NRXN1: variants seen among roughly 807,000 people sequenced by gnomAD.
NRXN1 encodes neurexin-1.
A neutral mutation model predicts 150.9 loss-of-function variants in NRXN1; 39 were observed. The ratio of observed to expected loss-of-function variants is 0.26; its 90% CI spans 0.20 to 0.34. The LOEUF is 0.34. Among genes scored for constraint, NRXN1 ranks in the 10% least tolerant of loss-of-function variants. NRXN1 has a pLI of 1.00. For synonymous variants in NRXN1, 924 were observed against 757.0 expected (o/e 1.22, Z -3.62); for missense variants, 1,815 against 1,949.9 (o/e 0.93, Z 1.30).
intron 5 of NRXN1, among the ~76,000 whole-genome samples, chr2:50,760,233 GT>G (rs778941960): frequency 1.3e-5 from 2 of 151,872 alleles, no homozygotes; most frequent in Non-Finnish European, 2.9e-5. Context: ...TATTAGGCAA[GT>G]TTCAACACAT....
At chr2:50,534,934 C>T (rs1442401690) in intron 10 of NRXN1, among the ~76,000 whole-genome samples, 1 of 152,102 alleles carries the variant, frequency 6.6e-6, no homozygotes, top group South Asian at 2.1e-4. Context: ...TAATCAGAAT[C>T]ATTAGCCTTT....
At chr2:50,870,827 ATTTATCATCAAT>A (rs1400887776) in intron 5 of NRXN1, among the ~76,000 whole-genome samples, 1 of 151,746 alleles carries the variant, frequency 6.6e-6, no homozygotes, top group Non-Finnish European at 1.5e-5. Context: ...AGCATATACA[ATTTATCATCAAT>A]ATCTCAAGCT....
At position 51,027,605 on chromosome 2, in the gene NRXN1, G is replaced by A. The variant is rs1417156593; in HGVS notation, c.669C>T (p.Gly223=). The change falls in exon 2 of 23, where the codon GGC becomes GGT. Residue 223 remains glycine, a synonymous_variant. Coordinates refer to ENST00000401669, the MANE Select transcript of NRXN1 (RefSeq NM_001330078.2). The part of the protein sequence containing the change: ...GGSPCEAGEE[G]EGGVCLNGGV... ...CTCCGTTGAGGCACACCCCGCCCTC[G>A]CCCTCCTCGCCCGCCTCGCACGGGC... The A allele has an allele frequency of 1.9e-6, 3 of 1,592,426 alleles. No homozygotes were observed. Among genetic ancestry groups the A allele is most frequent in the Non-Finnish European group, 1.7e-6 (2 of 1,169,674 alleles).
rs1294788651 is a variant in NRXN1, at chr2:50,713,728, TGGTATTTACCAA to T, written c.833-90125_833-90114del. Reference sequence around the variant, plus strand: ...AAATTATTACATCATTAATTAACAGTGGTATTTACCAAAACACATAACATCTTATGTCAATTT... The same window carrying T: ...AAATTATTACATCATTAATTAACAGTAACACATAACATCTTATGTCAATTT... On this transcript the variant is annotated intron_variant, in intron 5 of 22. Coordinates refer to ENST00000401669, the MANE Select transcript of NRXN1 (RefSeq NM_001330078.2). Among the ~76,000 whole-genome samples, 4 of 152,172 alleles carry T rather than the reference TGGTATTTACCAA, an allele frequency of 2.6e-5. No individual in the cohort carries two copies. The East Asian group carries it at 7.7e-4, about 29-fold the overall frequency.
chr2:50,208,186 A>G (rs17040212), intron 18 of NRXN1, among the ~76,000 whole-genome samples: 40,624 of 151,934 alleles, frequency 0.27, 5,843 homozygotes, highest in East Asian at 0.44. Context: ...CCACTTTTGC[A>G]CCTTCTCAGC....
At chr2:50,072,146 G>A (rs1278724574) in intron 19 of NRXN1, among the ~76,000 whole-genome samples, 1 of 152,124 alleles carries the variant, frequency 6.6e-6, no homozygotes, top group African/African-American at 2.4e-5. Flanking sequence ...TTTTCTTGAA[G>A]AAAACAAAGT....
intron 19 of NRXN1, among the ~76,000 whole-genome samples, chr2:50,079,661 T>C (rs1347750392): frequency 6.6e-6 from 1 of 152,156 alleles, no homozygotes; most frequent in Non-Finnish European, 1.5e-5. Context: ...ATTTATTATT[T>C]TGTTTGAAGA....
At chr2:50,585,121 C>A (rs1457138873) in intron 8 of NRXN1, among the ~76,000 whole-genome samples, 1 of 152,062 alleles carries the variant, frequency 6.6e-6, no homozygotes, top group African/African-American at 2.4e-5. Flanking sequence ...AGTAGTTTAG[C>A]CCATGAATTC....
intron 5 of NRXN1, among the ~76,000 whole-genome samples, chr2:50,863,092 T>C (rs1676374016): frequency 6.6e-6 from 1 of 152,002 alleles, no homozygotes; most frequent in Non-Finnish European, 1.5e-5. Context: ...GGGTACCTGA[T>C]TTTTGGTGTC....
chr2:50,046,184 C>T (rs1691778942), intron 21 of NRXN1, among the ~76,000 whole-genome samples: 1 of 152,158 alleles, frequency 6.6e-6, no homozygotes, highest in South Asian at 2.1e-4. Flanking sequence ...TATGGGAATC[C>T]TTGGACAGCT....
intron 19 of NRXN1, among the ~76,000 whole-genome samples, chr2:50,083,414 G>A (rs1021938141): frequency 6.6e-6 from 1 of 152,170 alleles, no homozygotes; most frequent in Non-Finnish European, 1.5e-5. Context: ...ATAAAAAAAT[G>A]CTAACATGGT....
Position 50,346,840 on chromosome 2 carries a change from A to T in NRXN1, c.3365-109870T>A. The T allele has an allele frequency of 6.2e-7, 1 of 1,608,338 alleles. No individual in the cohort carries two copies. The highest frequency in any genetic ancestry group is 8.5e-7 in the Non-Finnish European group (1 of 1,178,114). On this transcript the variant is annotated intron_variant, in intron 17 of 22. Coordinates refer to ENST00000401669, the MANE Select transcript of NRXN1 (RefSeq NM_001330078.2). This position sits in a 1 kb window ranked among gnomAD's most constrained non-coding sequence, Gnocchi z 5.0. ...TAGGAGGCCGCTGAGGGTGAGCGGG[A>T]CTATCCAAAGCAGGGCCAGGCGCCC...
chr2:50,460,586 T>C (rs1430206659), intron 17 of NRXN1, among the ~76,000 whole-genome samples: 1 of 152,058 alleles, frequency 6.6e-6, no homozygotes, highest in African/African-American at 2.4e-5. Flanking sequence ...TGATGTCAAT[T>C]CTAAAAAGAA....
chr2:50,508,459 G>T (rs552265597), intron 12 of NRXN1, among the ~76,000 whole-genome samples: 17 of 151,886 alleles, frequency 1.1e-4, no homozygotes, highest in Non-Finnish European at 2.1e-4. Context: ...AGAAAGAAGT[G>T]TTTAATAACT....
intron 17 of NRXN1, among the ~76,000 whole-genome samples, chr2:50,338,956 A>G (rs2077370343): frequency 6.6e-6 from 1 of 152,230 alleles, no homozygotes; most frequent in South Asian, 2.1e-4. Flanking sequence ...TAGCATTAAA[A>G]ATACCACTTC....
chr2:50,038,479 T>G (rs1279773246), intron 21 of NRXN1, among the ~76,000 whole-genome samples: 1 of 152,126 alleles, frequency 6.6e-6, no homozygotes, highest in African/African-American at 2.4e-5. Flanking sequence ...TAAGTGAGCT[T>G]GAAAGTGAAT....
At chr2:50,158,755 A>G (rs970316150) in intron 18 of NRXN1, among the ~76,000 whole-genome samples, 6 of 152,138 alleles carry the variant, frequency 3.9e-5, no homozygotes. Flanking sequence ...TGGTGAAGAC[A>G]TTGGTCTCCT....
intron 17 of NRXN1, among the ~76,000 whole-genome samples, chr2:50,369,956 T>C (rs2079893283): frequency 6.6e-6 from 1 of 151,962 alleles, no homozygotes. Context: ...AAATATAAAA[T>C]GAATAATGGC....
intron 17 of NRXN1, among the ~76,000 whole-genome samples, chr2:50,400,903 G>A (rs1252898233): frequency 3.9e-5 from 6 of 152,154 alleles, no homozygotes; most frequent in African/African-American, 1.4e-4. Context: ...ACACACCTGG[G>A]TTGATGCTCC....
Sources: allele counts gnomAD v4.1 joint callset (sites outside exome capture counted in the v4.1 genomes callset), GRCh38; gene constraint gnomAD v4.1.1; non-coding constraint Gnocchi (gnomAD v3.1); transcripts MANE v1.5; gene names NCBI Gene and HGNC (gene_info 2026-07-23, HGNC 2026-07-21).